The following FGF13 variants were observed in gnomAD, a reference collection of about 807,000 sequenced individuals.
The protein encoded by FGF13 is fibroblast growth factor 13, also known as fibroblast growth factor homologous factor 2.
A neutral mutation model predicts 19.5 loss-of-function variants in FGF13; 2 were observed. The observed-to-expected ratio is 0.10, with a 90% CI of 0.04 to 0.32. The LOEUF is 0.32. Ranked by LOEUF, FGF13 falls within the 10% of genes least tolerant of loss-of-function variation. The pLI is 1.00. For synonymous variants in FGF13, 72 were observed against 76.9 expected, an observed-to-expected ratio of 0.94 and a Z score of 0.33; for missense variants, 113 against 192.7, an observed-to-expected ratio of 0.59 and a Z score of 2.45.
At chrX:139,095,423 T>C (rs2083464428) in intron 1 of FGF13, among the ~76,000 whole-genome samples, 1 of 111,621 alleles carries the variant, frequency 9.0e-6, no homozygotes, top group Admixed American at 9.5e-5. Context: ...TGTGGAACAG[T>C]GTGGAGCCGG....
chrX:139,204,360 G>C, upstream of FGF13: 1 of 285,194 alleles, frequency 3.5e-6, no homozygotes, highest in Non-Finnish European at 6.1e-6. Flanking sequence ...GCCGGCCGCG[G>C]GAGGAGCCGC....
intron 1 of FGF13, among the ~76,000 whole-genome samples, chrX:138,981,805 T>A (rs2091964950): frequency 9.0e-6 from 1 of 111,375 alleles, no homozygotes; most frequent in African/African-American, 3.3e-5. Context: ...TTCTCACATC[T>A]TATTTCTCTC....
downstream of FGF13, among the ~76,000 whole-genome samples, chrX:138,853,614 C>A (rs866173959): frequency 1.3e-5 from 1 of 79,657 alleles, no homozygotes; most frequent in African/African-American, 4.7e-5. Context: ...TGTGTGTGTG[C>A]GTGTGCGTGT....
chrX:138,748,452 C>A (rs1602781650), intron 3 of FGF13, among the ~76,000 whole-genome samples: 1 of 111,076 alleles, frequency 9.0e-6, no homozygotes, highest in Admixed American at 9.6e-5. Flanking sequence ...CAAGAGGTGG[C>A]CATCTATAAG....
chrX:138,694,456 T>A (rs12858677), intron 3 of FGF13, among the ~76,000 whole-genome samples: 4 of 94,610 alleles, frequency 4.2e-5, no homozygotes, highest in African/African-American at 1.5e-4. Context: ...CTTTTCTTTT[T>A]TTTTTTTTTT....
At chrX:139,165,462 C>T (rs2084075886) in intron 1 of FGF13, among the ~76,000 whole-genome samples, 1 of 111,547 alleles carries the variant, frequency 9.0e-6, no homozygotes, top group Non-Finnish European at 1.9e-5. Flanking sequence ...ATTGGTAGGG[C>T]TAGAAGGGAG....
intron 1 of FGF13, among the ~76,000 whole-genome samples, chrX:139,185,537 C>G (rs921130429): frequency 9.0e-6 from 1 of 111,602 alleles, no homozygotes; most frequent in Admixed American, 9.6e-5. Flanking sequence ...TGCTACAAGA[C>G]TATGCAGAGC....
chrX:138,766,962 C>T (rs773487747), intron 3 of FGF13, among the ~76,000 whole-genome samples: 17 of 112,031 alleles, frequency 1.5e-4, no homozygotes, highest in Admixed American at 6.7e-4. Flanking sequence ...ACCTTGTCAA[C>T]GATTAAATGG....
At chrX:138,826,702 G>A (rs2091036667) in intron 3 of FGF13, among the ~76,000 whole-genome samples, 1 of 112,103 alleles carries the variant, frequency 8.9e-6, no homozygotes, top group Non-Finnish European at 1.9e-5. Flanking sequence ...ATGAATCAAT[G>A]CTTATTTAAA....
At chrX:138,675,346 C>T (rs1460276468) in intron 3 of FGF13, among the ~76,000 whole-genome samples, 1 of 111,355 alleles carries the variant, frequency 9.0e-6, no homozygotes, top group Non-Finnish European at 1.9e-5. Flanking sequence ...GTAACCTAGC[C>T]GAAGAAATAG....
At chrX:138,818,644 A>G (rs1334316896) in intron 3 of FGF13, among the ~76,000 whole-genome samples, 1 of 109,860 alleles carries the variant, frequency 9.1e-6, no homozygotes, top group Non-Finnish European at 1.9e-5. Context: ...TGCTCACAGC[A>G]CCCCAGACTG....
chrX:138,966,865 G>T (rs1161183894), intron 1 of FGF13, among the ~76,000 whole-genome samples: 1 of 111,010 alleles, frequency 9.0e-6, no homozygotes, highest in African/African-American at 3.3e-5. Context: ...GAATCATGGG[G>T]GGTGGTTTCC....
In FGF13 at chrX:139,058,543, G is replaced by T. The variant is rs187145125; in HGVS notation, c.-113+144873C>A. 2.7e-5 allele frequency among the ~76,000 whole-genome samples: 3 copies of T among 110,952 alleles called. No individual in the cohort carries two copies. In the East Asian group the frequency reaches 8.4e-4, roughly 31 times the overall value. ...GTAAAATGTCCTTTTTTAGACAGAG[G>T]ACCAGGTCCAATTTTCTATATCAGT... On this transcript the variant is annotated intron_variant, in intron 1 of 2. Transcript: ENST00000421460.
chrX:138,703,121 C>A (rs1390076032), intron 2 of FGF13, 34 bp from the exon 3 acceptor site: 1 of 1,065,711 alleles, frequency 9.4e-7, no homozygotes, highest in Admixed American at 2.2e-5. Flanking sequence ...AACAGTGTTA[C>A]AATTCTGAAT....
At chrX:139,171,389 G>GA (rs745755263) in intron 1 of FGF13, among the ~76,000 whole-genome samples, 4 of 112,081 alleles carry the variant, frequency 3.6e-5, no homozygotes, top group South Asian at 3.7e-4. Flanking sequence ...CAAAAATGCT[G>GA]AAAAAACTTG....
At chrX:139,115,180 C>T (rs2124467630) in intron 1 of FGF13, among the ~76,000 whole-genome samples, 1 of 111,489 alleles carries the variant, frequency 9.0e-6, no homozygotes, top group Non-Finnish European at 1.9e-5. Flanking sequence ...CCAGCCTTCC[C>T]CATCTCAGTA....
chrX:138,835,691 T>C (rs1038794776), intron 3 of FGF13, among the ~76,000 whole-genome samples: 2 of 112,140 alleles, frequency 1.8e-5, no homozygotes, highest in Non-Finnish European at 3.8e-5. Context: ...TTTCAACCTG[T>C]CATCATTATG....
intron 1 of FGF13, among the ~76,000 whole-genome samples, chrX:139,153,040 G>A (rs2083947929): frequency 9.0e-6 from 1 of 111,352 alleles, no homozygotes; most frequent in East Asian, 2.8e-4. Context: ...TGTACTGTGA[G>A]CTCCGTAAAG....
intron 3 of FGF13, among the ~76,000 whole-genome samples, chrX:138,647,644 T>A (rs2089322295): frequency 8.9e-6 from 1 of 112,193 alleles, no homozygotes; most frequent in Non-Finnish European, 1.9e-5. Context: ...ATATTAATAT[T>A]TTAAAAGGAT....
Sources: allele counts gnomAD v4.1 joint callset (sites outside exome capture counted in the v4.1 genomes callset), GRCh38; gene constraint gnomAD v4.1.1; transcripts MANE v1.5; gene names NCBI Gene and HGNC (gene_info 2026-07-23, HGNC 2026-07-21).